Variants in TTC13 observed in about 807,000 individuals in gnomAD.
TTC13 encodes tetratricopeptide repeat domain 13.
Under a neutral mutation model 120.0 loss-of-function variants are expected in TTC13, and 62 were observed. The ratio of observed to expected loss-of-function variants is 0.52; its 90% CI spans 0.42 to 0.64. The LOEUF is 0.64. Among genes scored for constraint, TTC13 ranks in the 30% least tolerant of loss-of-function variants. The probability of loss-of-function intolerance (pLI) is 0.00; values close to 1 mark genes in which losing one functional copy is unlikely to be tolerated. For synonymous variants in TTC13, 384 were observed against 393.5 expected, an observed-to-expected ratio of 0.98 and a Z score of 0.28; for missense variants, 824 against 1,050.2, an observed-to-expected ratio of 0.78 and a Z score of 2.98.
chr1:230,918,061 T>C (rs937779474), intron 17 of TTC13, among the ~76,000 whole-genome samples: 11 of 152,256 alleles, frequency 7.2e-5, no homozygotes, highest in African/African-American at 2.4e-4. Flanking sequence ...ACATAATGTA[T>C]GATTTTCTAA....
rs115140610 is a variant in TTC13, at chr1:230,974,112, T to C, written c.271+4448A>G. Among the ~76,000 whole-genome samples, 254 of 152,114 alleles carry C rather than the reference T, an allele frequency of 1.7e-3. 1 individual carries two copies. The highest frequency in any genetic ancestry group is 5.4e-3 in the African/African-American group (226 of 41,492). ...AAAAAGAAGAGCAGAGAACCTGAAT[T>C]TTTAAATCAATGAACAAGTTACAAA... On this transcript the variant is annotated intron_variant, in intron 1 of 22. Transcript: ENST00000366661.
At chr1:230,913,364 A>G (rs191413509) in intron 18 of TTC13, among the ~76,000 whole-genome samples, 30 of 152,224 alleles carry the variant, frequency 2.0e-4, no homozygotes, top group African/African-American at 7.2e-4. Flanking sequence ...CGGGGCCACA[A>G]ATTATTATTA....
At chr1:230,908,024 T>C (rs113551795) in intron 22 of TTC13, among the ~76,000 whole-genome samples, 4 of 36,552 alleles carry the variant, frequency 1.1e-4, no homozygotes, top group African/African-American at 4.0e-4. Context: ...TGCAACCAAG[T>C]AGGCTAAGTG....
intron 12 of TTC13, 102 bp downstream of exon 12, chr1:230,928,835 A>G (rs368893437): frequency 8.1e-7 from 1 of 1,236,632 alleles, no homozygotes; most frequent in African/African-American, 1.7e-5. Context: ...AGGCAATTCT[A>G]CCTCACCCTC....
At position 230,978,372 on chromosome 1, in the gene TTC13, G is replaced by A. The variant is rs1484559468; in HGVS notation, c.271+188C>T. ...GCCCTGCCCAAAGGCGGCTGCAGGA[G>A]GGCGCGCGGCGGCGTGGGTGGCAGC... On this transcript the variant is annotated intron_variant, in intron 1 of 22. Transcript: ENST00000366661. This position sits in a 1 kb window ranked among gnomAD's most constrained non-coding sequence, Gnocchi z 5.6. Among the ~76,000 whole-genome samples the A allele has an allele frequency of 2.0e-5, 3 of 152,052 alleles. No homozygotes were observed. The highest frequency in any genetic ancestry group is 7.2e-5 in the African/African-American group (3 of 41,440).
In TTC13 at chr1:230,939,439, G is replaced by A. The variant is rs1435454286; in HGVS notation, c.847C>T (p.Pro283Ser). ...QQSLELNKNQ[P>S]IAMLYKGLTF... ...AAACCTTTGTATAGCATAGCTATAG[G>A]CTGGTTTTTGTTCAGTTCTAAGGAC... Residue 283 changes from proline (P) to serine (S), a missense_variant, in exon 8 of 23, where the codon CCT (proline) becomes TCT (serine). Physicochemically the swap from Pro to Ser is moderately conservative, Grantham distance 74 (BLOSUM62 -1). Coordinates refer to ENST00000366661, the MANE Select transcript of TTC13 (RefSeq NM_024525.5). 6.2e-7 allele frequency: 1 copy of A among 1,612,982 alleles called. No individual in the cohort carries two copies. Among genetic ancestry groups the A allele is most frequent in the African/African-American group, 1.3e-5 (1 of 74,906 alleles).
chr1:230,973,462 G>C (rs948032533), intron 1 of TTC13, among the ~76,000 whole-genome samples: 3 of 152,142 alleles, frequency 2.0e-5, no homozygotes, highest in African/African-American at 7.2e-5. Context: ...TTCCCATAAA[G>C]AACTGTGGGA....
rs1558161598 is a variant in TTC13 at position 230,911,458 on chromosome 1, GAT to G, written c.2309+10_2309+11del. ...CAATTTAAAATAATTTTAATGACAG[GAT>G]ATTACTTACCTGGATCCTCGAGAGA... On this transcript the variant is annotated intron_variant, in intron 20 of 22. Transcript: ENST00000366661. 1.9e-6 allele frequency: 3 copies of G among 1,541,104 alleles called. No homozygotes were observed. Among genetic ancestry groups the G allele is most frequent in the Non-Finnish European group, 2.6e-6 (3 of 1,132,216 alleles).
At chr1:230,935,762 C>T (rs1325558807) in intron 8 of TTC13, among the ~76,000 whole-genome samples, 1 of 152,128 alleles carries the variant, frequency 6.6e-6, no homozygotes, top group Non-Finnish European at 1.5e-5. Context: ...CAAAGACAGA[C>T]TAGAGACAGA....
Position 230,978,104 on chromosome 1 carries a change from T to C in TTC13, c.271+456A>G, listed in dbSNP as rs1678534941. 6.6e-6 allele frequency among the ~76,000 whole-genome samples: 1 copy of C among 152,210 alleles called. No homozygotes were observed. Among genetic ancestry groups the C allele is most frequent in the Non-Finnish European group, 1.5e-5 (1 of 68,032 alleles). On this transcript the variant is annotated intron_variant, in intron 1 of 22. Transcript: ENST00000366661. The surrounding 1 kb of genome is among the most constrained non-coding windows in gnomAD (Gnocchi z 5.6). ...ACCCGGGAGGTCAGGAAGCCTGATT[T>C]CCAGGCCTAAGATGTGCCAGGCGTC...
intron 9 of TTC13, among the ~76,000 whole-genome samples, chr1:230,933,393 C>T (rs1264589379): frequency 2.0e-5 from 3 of 152,102 alleles, no homozygotes; most frequent in Non-Finnish European, 4.4e-5. Context: ...ATTATAATCA[C>T]AACTTTTCCA....
rs1484722986 is a variant in TTC13 at position 230,978,159 on chromosome 1, CGG to C, written c.271+399_271+400del. On this transcript the variant is annotated intron_variant, in intron 1 of 22. Transcript: ENST00000366661. This position sits in a 1 kb window ranked among gnomAD's most constrained non-coding sequence, Gnocchi z 5.6. ...TCCGGGGGCGGGCTCCGCAAGCCGC[CGG>C]GCTGGTTGCTCGTCCGCCCGCCCCT... is the stretch of plus-strand genomic sequence containing the variant. Among the ~76,000 whole-genome samples the C allele has an allele frequency of 6.6e-6, 1 of 152,186 alleles. No individual in the cohort carries two copies. The highest frequency in any genetic ancestry group is 1.9e-4 in the East Asian group (1 of 5,182).
In TTC13 at chr1:230,940,943, C is replaced by A. The variant is rs902802656; in HGVS notation, c.673-387G>T. Among the ~76,000 whole-genome samples the A allele has an allele frequency of 6.6e-6, 1 of 152,134 alleles. No individual in the cohort carries two copies. Among genetic ancestry groups the A allele is most frequent in the African/African-American group, 2.4e-5 (1 of 41,428 alleles). ...GATAACTTTGAACCATTAAAATAGA[C>A]AAATTATCGGACACAGATTAGAGTC... is the stretch of plus-strand genomic sequence containing the variant. On this transcript the variant is annotated intron_variant, in intron 6 of 22. Coordinates refer to ENST00000366661, the MANE Select transcript of TTC13 (RefSeq NM_024525.5). The surrounding 1 kb of genome is among the most constrained non-coding windows in gnomAD (Gnocchi z 4.1).
rs61742666 is a variant in TTC13, at chr1:230,961,278, G to T, written c.297C>A (p.Asp99Glu). Reference protein sequence around the residue: ...CGESSFLNFHDSDCEPKGSSP... With the variant: ...CGESSFLNFHESDCEPKGSSP... Reference sequence around the variant, plus strand: ...ATGATCCCTTGGGTTCGCAGTCTGAGTCATGGAAGTTCAAAAAGGATGACT... The same window carrying T: ...ATGATCCCTTGGGTTCGCAGTCTGATTCATGGAAGTTCAAAAAGGATGACT... The change falls in exon 2 of 23, where the codon GAC becomes GAA. Residue 99 changes from aspartate to glutamate, a missense_variant. Around this residue, in one of 4 missense-constraint regions of TTC13, gnomAD observed 160 missense variants for 137.2 expected, o/e 1.17. Transcript: ENST00000366661. 1.9e-6 allele frequency: 3 copies of T among 1,613,788 alleles called. No homozygotes were observed. Among genetic ancestry groups the T allele is most frequent in the Non-Finnish European group, 2.5e-6 (3 of 1,179,894 alleles).
Position 230,978,138 on chromosome 1 carries a change from G to C in TTC13, c.271+422C>G, listed in dbSNP as rs1197748022. Among the ~76,000 whole-genome samples, 1 of 152,202 alleles carries C rather than the reference G, an allele frequency of 6.6e-6. No homozygotes were observed. The highest frequency in any genetic ancestry group is 1.5e-5 in the Non-Finnish European group (1 of 68,032). On this transcript the variant is annotated intron_variant, in intron 1 of 22. Coordinates refer to ENST00000366661, the MANE Select transcript of TTC13 (RefSeq NM_024525.5). This position sits in a 1 kb window ranked among gnomAD's most constrained non-coding sequence, Gnocchi z 5.6. ...AAGATGTGCCAGGCGTCTCCCTCCG[G>C]GGGCGGGCTCCGCAAGCCGCCGGGC...
chr1:230,976,539 T>C (rs552179927), intron 1 of TTC13, among the ~76,000 whole-genome samples: 29 of 152,206 alleles, frequency 1.9e-4, no homozygotes, highest in South Asian at 8.3e-4. Context: ...TGGAAATGAC[T>C]TCTTGGGTGA....
chr1:230,954,470 A>C, intron 3 of TTC13, 67 bp from the exon 4 acceptor site: 1 of 1,253,868 alleles, frequency 8.0e-7, no homozygotes, highest in Non-Finnish European at 1.1e-6. Flanking sequence ...TCAATAACTA[A>C]ATGCTTTGGT....
intron 19 of TTC13, 47 bp from the exon 20 acceptor site, chr1:230,911,596 C>T (rs758268557): frequency 3.9e-6 from 5 of 1,281,814 alleles, no homozygotes; most frequent in Non-Finnish European, 5.4e-6. Context: ...AGATTACAAA[C>T]TAATTTTTCA....
intron 1 of TTC13, among the ~76,000 whole-genome samples, chr1:230,968,055 A>G (rs12041147): frequency 0.19 from 28,314 of 152,076 alleles, 2,765 homozygotes; most frequent in South Asian, 0.4. Flanking sequence ...TGGCCTCTGG[A>G]GCTCTGCGCA....
Sources: allele counts gnomAD v4.1 joint callset (sites outside exome capture counted in the v4.1 genomes callset), GRCh38; gene constraint gnomAD v4.1.1; regional missense constraint gnomAD v4.1.1; non-coding constraint Gnocchi (gnomAD v3.1); transcripts MANE v1.5; gene names NCBI Gene and HGNC (gene_info 2026-07-23, HGNC 2026-07-21).